MLLT3: variants seen among roughly 807,000 people sequenced by gnomAD.
The protein encoded by MLLT3 is MLLT3 super elongation complex subunit.
A neutral mutation model predicts 53.2 loss-of-function variants in MLLT3; 4 were observed. The observed-to-expected ratio is 0.08, with a 90% CI of 0.04 to 0.17. The LOEUF (loss-of-function observed/expected upper bound fraction) is 0.17, where lower values mean the gene tolerates loss of function less well. Ranked by LOEUF, MLLT3 falls within the 10% of genes least tolerant of loss-of-function variation. The pLI is 1.00. For synonymous variants in MLLT3, 283 were observed against 230.6 expected (o/e 1.23, Z -2.06); for missense variants, 569 against 684.0 (o/e 0.83, Z 1.87).
chr9:20,362,506 T>G (rs2118638970), intron 7 of MLLT3, among the ~76,000 whole-genome samples: 1 of 152,230 alleles, frequency 6.6e-6, no homozygotes, highest in African/African-American at 2.4e-5. Flanking sequence ...ATGGGCATAT[T>G]AAAGAGGTTA....
At chr9:20,491,821 C>T (rs998648494) in intron 2 of MLLT3, among the ~76,000 whole-genome samples, 1 of 152,022 alleles carries the variant, frequency 6.6e-6, no homozygotes, top group Non-Finnish European at 1.5e-5. Flanking sequence ...GACTTTTCAC[C>T]ATGAATTGTT....
At chr9:20,492,441 T>A (rs78585218) in intron 2 of MLLT3, among the ~76,000 whole-genome samples, 1 of 151,980 alleles carries the variant, frequency 6.6e-6, no homozygotes, top group Non-Finnish European at 1.5e-5. Flanking sequence ...ATACTTTACA[T>A]GCATTTATAT....
At chr9:20,618,350 T>C (rs1464995467) in intron 2 of MLLT3, among the ~76,000 whole-genome samples, 9 of 152,178 alleles carry the variant, frequency 5.9e-5, no homozygotes, top group Non-Finnish European at 1.0e-4. Context: ...AGCCAAAAAA[T>C]AAGTCCCAGG....
Position 20,385,410 on chromosome 9 carries a change from G to A in MLLT3, c.1126-19666C>T, listed in dbSNP as rs7030553. On this transcript the variant is annotated intron_variant, in intron 5 of 10. Coordinates refer to ENST00000380338, the MANE Select transcript of MLLT3 (RefSeq NM_004529.4). ...TCTGTTCCATGATATTTTGAATCTC[G>A]AAGAAAATGTACAAATGAATGGTAG... Among the ~76,000 whole-genome samples, 948 of 152,152 alleles carry A rather than the reference G, an allele frequency of 6.2e-3. 13 individuals are homozygous for A. Among genetic ancestry groups the A allele is most frequent in the African/African-American group, 0.021 (881 of 41,524 alleles).
At chr9:20,474,272 GAGA>G (rs1356763876) in intron 2 of MLLT3, among the ~76,000 whole-genome samples, 2 of 152,090 alleles carry the variant, frequency 1.3e-5, no homozygotes, top group Non-Finnish European at 2.9e-5. Flanking sequence ...AAGAAAATTG[GAGA>G]AGATTTGAAG....
chr9:20,574,258 G>C (rs980205610), intron 2 of MLLT3, among the ~76,000 whole-genome samples: 2 of 152,158 alleles, frequency 1.3e-5, no homozygotes, highest in African/African-American at 4.8e-5. Context: ...AACACTTAGA[G>C]ACACAATAAA....
At position 20,404,929 on chromosome 9, in the gene MLLT3, T is replaced by C. The variant is rs141669323; in HGVS notation, c.1125+8792A>G. On this transcript the variant is annotated intron_variant, in intron 5 of 10. Transcript: ENST00000380338. ...TGTTCCTGAGGAAGGAAGGAAGCCC[T>C]ACCTTCCTTCCTCAGATCCTCCATG... 3.9e-5 allele frequency among the ~76,000 whole-genome samples: 6 copies of C among 152,276 alleles called. No homozygotes were observed. The East Asian group carries it at 7.7e-4, about 20-fold the overall frequency.
intron 4 of MLLT3, among the ~76,000 whole-genome samples, chr9:20,429,895 T>C (rs1406598356): frequency 6.6e-6 from 1 of 152,172 alleles, no homozygotes; most frequent in Non-Finnish European, 1.5e-5. Flanking sequence ...TTACTGGTAT[T>C]CCTACTAACT....
chr9:20,478,349 G>T (rs1184589257), intron 2 of MLLT3, among the ~76,000 whole-genome samples: 1 of 152,158 alleles, frequency 6.6e-6, no homozygotes, highest in Non-Finnish European at 1.5e-5. Flanking sequence ...GAAAAGAGTT[G>T]TTCTGTCTTG....
intron 2 of MLLT3, among the ~76,000 whole-genome samples, chr9:20,615,377 A>AC (rs1563845212): frequency 7.1e-6 from 1 of 141,102 alleles, no homozygotes; most frequent in East Asian, 1.9e-4. Context: ...AAAAAAAAAA[A>AC]AAAAAAAAAA....
chr9:20,346,680 T>A, intron 10 of MLLT3, 106 bp from the exon 11 acceptor site: 1 of 1,094,248 alleles, frequency 9.1e-7, no homozygotes, highest in Non-Finnish European at 1.3e-6. Flanking sequence ...TGATAAATAT[T>A]CGTATTTATA....
At chr9:20,602,761 T>TACACACAC (rs3086486) in intron 2 of MLLT3, among the ~76,000 whole-genome samples, 1,577 of 147,272 alleles carry the variant, frequency 0.011, 14 homozygotes, top group Admixed American at 0.017. Flanking sequence ...TTAAGTTTGA[T>TACACACAC]ACACACACAC....
At chr9:20,544,825 C>T (rs1268982808) in intron 2 of MLLT3, among the ~76,000 whole-genome samples, 1 of 152,114 alleles carries the variant, frequency 6.6e-6, no homozygotes, top group Non-Finnish European at 1.5e-5. Context: ...TGGCTTATGC[C>T]TATAATCCCA....
rs137888637 is a variant in MLLT3 at position 20,562,487 on chromosome 9, T to A, written c.193+58167A>T. Among the ~76,000 whole-genome samples the A allele has an allele frequency of 2.3e-3, 354 of 152,180 alleles. 1 individual carries two copies. Among genetic ancestry groups the A allele is most frequent in the African/African-American group, 7.9e-3 (327 of 41,542 alleles). Reference sequence around the variant, plus strand: ...ATTTTAATAAACTACTTCATAAATATAAACAACCCACCAATGGACCCTTAG... The same window carrying A: ...ATTTTAATAAACTACTTCATAAATAAAAACAACCCACCAATGGACCCTTAG... On this transcript the variant is annotated intron_variant, in intron 2 of 10. Coordinates refer to ENST00000380338, the MANE Select transcript of MLLT3 (RefSeq NM_004529.4).
chr9:20,531,138 CTT>C lies in MLLT3; in HGVS notation c.194-74354_194-74353del, dbSNP rs34485185. 1.5e-3 allele frequency among the ~76,000 whole-genome samples: 179 copies of C among 118,456 alleles called. 1 individual carries two copies. The East Asian group carries it at 0.017, about 11-fold the overall frequency. The allele number at this position is 118,456 out of a possible 152,430, so 77.7% of individuals were successfully genotyped here. On this transcript the variant is annotated intron_variant, in intron 2 of 10. Transcript: ENST00000380338. The stretch of plus-strand genomic sequence containing the variant: ...CTCCTCTCTATCCAATATTCAGTTG[CTT>C]TTTTTTTTTTTGGAAACATAGTCTT...
intron 5 of MLLT3, among the ~76,000 whole-genome samples, chr9:20,386,667 C>T (rs114157498): frequency 3.7e-4 from 57 of 152,218 alleles, no homozygotes; most frequent in African/African-American, 1.2e-3. Flanking sequence ...AATGAGACAG[C>T]CAAGTGAATA....
chr9:20,616,211 A>T (rs555195058), intron 2 of MLLT3, among the ~76,000 whole-genome samples: 1 of 152,280 alleles, frequency 6.6e-6, no homozygotes, highest in South Asian at 2.1e-4. Flanking sequence ...TGCAAATGAG[A>T]AAAGAGACAC....
chr9:20,350,435 A>T (rs1332246177), intron 10 of MLLT3, among the ~76,000 whole-genome samples: 1 of 151,750 alleles, frequency 6.6e-6, no homozygotes, highest in African/African-American at 2.4e-5. Flanking sequence ...CTCTACTAAA[A>T]ATACAAAAAA....
chr9:20,464,225 C>T (rs547228546), intron 2 of MLLT3, among the ~76,000 whole-genome samples: 1 of 151,702 alleles, frequency 6.6e-6, no homozygotes, highest in East Asian at 1.9e-4. Context: ...TAAAATTATA[C>T]TTTTCATTAA....
Sources: allele counts gnomAD v4.1 joint callset (sites outside exome capture counted in the v4.1 genomes callset), GRCh38; gene constraint gnomAD v4.1.1; transcripts MANE v1.5; gene names NCBI Gene and HGNC (gene_info 2026-07-23, HGNC 2026-07-21).